RSU1: variants seen among roughly 807,000 people sequenced by gnomAD.
The protein encoded by RSU1 is rsu-1.
Under a neutral mutation model 31.1 loss-of-function variants are expected in RSU1, and 26 were observed. That is an observed-to-expected ratio of 0.84 (90% CI 0.61 to 1.16). The LOEUF is 1.16. RSU1 is among the 50% of genes most tolerant of loss of function. The probability of loss-of-function intolerance (pLI) is 0.00; values close to 1 mark genes in which losing one functional copy is unlikely to be tolerated. For missense variants in RSU1, 320 were observed against 339.1 expected (o/e 0.94, Z 0.44); for synonymous variants, 164 against 136.3 (o/e 1.20, Z -1.41).
At chr10:16,611,189 C>A (rs543536911) in intron 8 of RSU1, among the ~76,000 whole-genome samples, 92 of 152,258 alleles carry the variant, frequency 6.0e-4, no homozygotes, top group Non-Finnish European at 1.1e-3. Context: ...CCAGGGTGGA[C>A]CAGACTTCCT....
chr10:16,739,931 A>C (rs1289620115), intron 7 of RSU1, among the ~76,000 whole-genome samples: 2 of 152,174 alleles, frequency 1.3e-5, no homozygotes, highest in East Asian at 3.9e-4. Context: ...TTTTTAAGAC[A>C]TGAGAATTAC....
chr10:16,697,661 T>C (rs1201593845), intron 7 of RSU1, among the ~76,000 whole-genome samples: 13 of 127,108 alleles, frequency 1.0e-4, no homozygotes, highest in Non-Finnish European at 2.0e-4. Context: ...AAGACTGTCT[T>C]AAAAAAAAAA....
At position 16,695,104 on chromosome 10, in the gene RSU1, G is replaced by A. The variant is rs1564320367; in HGVS notation, c.650C>T (p.Pro217Leu). Residue 217 changes from proline to leucine, a missense_variant, in exon 8 of 9, where the codon CCC becomes CTC. Pro to Leu is a moderately conservative substitution (Grantham distance 98). Transcript: ENST00000345264. ...CTGGTCTGCAATGGGGGTCACCCAGGGATTGTTCTCTGCTTTGAATACCTG... is the reference window on the plus strand; with the variant it reads ...CTGGTCTGCAATGGGGGTCACCCAGAGATTGTTCTCTGCTTTGAATACCTG... ...QKQVFKAENN[P>L]WVTPIADQFQ... is the part of the protein sequence containing the mutation. The A allele has an allele frequency of 6.3e-7, 1 of 1,597,712 alleles. No homozygotes were observed. The highest frequency in any genetic ancestry group is 8.5e-7 in the Non-Finnish European group (1 of 1,171,428).
intron 4 of RSU1, among the ~76,000 whole-genome samples, chr10:16,762,213 A>G (rs1401044973): frequency 6.6e-6 from 1 of 152,090 alleles, no homozygotes; most frequent in South Asian, 2.1e-4. Context: ...CGTAAATAAG[A>G]CAATTATGAT....
chr10:16,684,273 G>C (rs1046262852), intron 8 of RSU1, among the ~76,000 whole-genome samples: 1 of 152,160 alleles, frequency 6.6e-6, no homozygotes, highest in African/African-American at 2.4e-5. Flanking sequence ...ATAATGTTAT[G>C]CCAGAGTCAG....
At chr10:16,733,395 C>A (rs1836556708) in intron 7 of RSU1, among the ~76,000 whole-genome samples, 2 of 150,184 alleles carry the variant, frequency 1.3e-5, no homozygotes, top group African/African-American at 4.9e-5. Flanking sequence ...GTAATCCCAG[C>A]TACTCAAGAG....
chr10:16,622,815 G>C (rs541452269), intron 8 of RSU1, among the ~76,000 whole-genome samples: 12 of 152,326 alleles, frequency 7.9e-5, no homozygotes, highest in African/African-American at 2.9e-4. Context: ...AGCAAGCAGA[G>C]TCACAGACTG....
At chr10:16,684,549 A>G (rs57903528) in intron 8 of RSU1, among the ~76,000 whole-genome samples, 21,046 of 152,102 alleles carry the variant, frequency 0.14, 1,863 homozygotes, top group Middle Eastern at 0.19. Flanking sequence ...AGAGATACCT[A>G]GAGAGATGAT....
At chr10:16,601,374 T>C (rs186981664) in intron 8 of RSU1, among the ~76,000 whole-genome samples, 21 of 152,326 alleles carry the variant, frequency 1.4e-4, no homozygotes, top group African/African-American at 4.8e-4. Flanking sequence ...TGTCTGAAAC[T>C]CTAAGTAAAG....
chr10:16,683,573 T>C (rs1436464572), intron 8 of RSU1, among the ~76,000 whole-genome samples: 1 of 152,214 alleles, frequency 6.6e-6, no homozygotes, highest in Non-Finnish European at 1.5e-5. Context: ...TTAGTTATTT[T>C]ATATGGCAAA....
At chr10:16,756,206 G>C (rs1837082298) in intron 4 of RSU1, among the ~76,000 whole-genome samples, 1 of 152,218 alleles carries the variant, frequency 6.6e-6, no homozygotes, top group East Asian at 1.9e-4. Context: ...GAGAGGTGTG[G>C]TTTAATGGGC....
At chr10:16,805,914 T>C (rs7071053) in intron 2 of RSU1, among the ~76,000 whole-genome samples, 1,690 of 152,218 alleles carry the variant, frequency 0.011, 32 homozygotes, top group African/African-American at 0.039. Context: ...AAGCCTTGCA[T>C]TCTGTTATGT....
chr10:16,609,664 A>G (rs1204051312), intron 8 of RSU1, among the ~76,000 whole-genome samples: 1 of 152,216 alleles, frequency 6.6e-6, no homozygotes, highest in Non-Finnish European at 1.5e-5. Context: ...GTTCTGTAAC[A>G]ATCGTCTCCT....
At chr10:16,738,955 T>C (rs1166088655) in intron 7 of RSU1, among the ~76,000 whole-genome samples, 3 of 147,046 alleles carry the variant, frequency 2.0e-5, no homozygotes, top group Non-Finnish European at 3.0e-5. Context: ...AACGAGAACA[T>C]GTGGTGTTTG....
rs77085886 is a variant in RSU1, at chr10:16,795,882, G to A, written c.110-13798C>T. On this transcript the variant is annotated intron_variant, in intron 2 of 8. Coordinates refer to ENST00000345264, the MANE Select transcript of RSU1 (RefSeq NM_012425.4). The stretch of plus-strand genomic sequence containing the variant: ...AGGCACCGGCACCCTCTTCCCAGGG[G>A]CTGATGTCAGACGTTTCTCTATCAC... Among the ~76,000 whole-genome samples the A allele has an allele frequency of 7.2e-3, 1,102 of 152,274 alleles. 13 individuals carry two copies. Among genetic ancestry groups the A allele is most frequent in the African/African-American group, 0.023 (960 of 41,540 alleles).
chr10:16,684,920 AT>A (rs1386084210), intron 8 of RSU1, among the ~76,000 whole-genome samples: 3 of 152,182 alleles, frequency 2.0e-5, no homozygotes, highest in Admixed American at 6.6e-5. Context: ...AAGTATGTGC[AT>A]TTTGACAATG....
intron 2 of RSU1, among the ~76,000 whole-genome samples, chr10:16,785,431 T>TATATATATACACATATATACATATATAC (rs1554774662): frequency 0.17 from 21,759 of 127,688 alleles, 2,560 homozygotes; most frequent in African/African-American, 0.22. Context: ...TATATACATA[T>TATATATATACACATATATACATATATAC]ATATATATAC....
chr10:16,662,762 C>A (rs909230714), intron 8 of RSU1, among the ~76,000 whole-genome samples: 4 of 152,136 alleles, frequency 2.6e-5, no homozygotes, highest in African/African-American at 9.7e-5. Flanking sequence ...TATGCTAATT[C>A]ATACAGACTT....
chr10:16,593,910 A>G (rs1048102036), intron 8 of RSU1, among the ~76,000 whole-genome samples: 5 of 152,242 alleles, frequency 3.3e-5, no homozygotes, highest in African/African-American at 1.2e-4. Context: ...TGGGACAGAG[A>G]GCAATGGTGT....
Sources: allele counts gnomAD v4.1 joint callset (sites outside exome capture counted in the v4.1 genomes callset), GRCh38; gene constraint gnomAD v4.1.1; transcripts MANE v1.5; gene names NCBI Gene and HGNC (gene_info 2026-07-23, HGNC 2026-07-21).